Variants in ZNF225 observed in about 807,000 individuals in gnomAD.
The protein encoded by ZNF225 is zinc finger protein 225.
A neutral mutation model predicts 12.0 loss-of-function variants in ZNF225; 6 were observed. That is an observed-to-expected ratio of 0.50 (90% CI 0.27 to 0.98). The LOEUF (loss-of-function observed/expected upper bound fraction) is 0.98. Among genes scored for constraint, ZNF225 ranks in the 50% least tolerant of loss-of-function variants. ZNF225 has a pLI of 0.11. For missense variants in ZNF225, 763 were observed against 848.2 expected (o/e 0.90, Z 1.25); for synonymous variants, 271 against 283.2 (o/e 0.96, Z 0.43).
At position 44,131,307 on chromosome 19, in the gene ZNF225, A is replaced by T. The variant is rs750040720; in HGVS notation, c.693A>T (p.Pro231=). Residue 231 remains proline, a synonymous_variant, in exon 5 of 5, where the codon CCA becomes CCT. Transcript: ENST00000262894. ...IHQRIHTGEK[P]FKCEQCGKGF... The stretch of plus-strand genomic sequence containing the variant: ...AGAGAATCCACACTGGAGAGAAACC[A>T]TTCAAATGTGAGCAGTGTGGGAAAG... 4.3e-6 allele frequency: 7 copies of T among 1,614,208 alleles called. No homozygotes were observed. Among genetic ancestry groups the T allele is most frequent in the Non-Finnish European group, 5.9e-6 (7 of 1,180,028 alleles).
intron 4 of ZNF225, among the ~76,000 whole-genome samples, chr19:44,120,397 G>A (rs1313247182): frequency 1.3e-5 from 2 of 152,140 alleles, no homozygotes; most frequent in East Asian, 3.8e-4. Context: ...TCTGGTACAT[G>A]GCAGGTATCT....
At position 44,118,482 on chromosome 19, in the gene ZNF225, G is replaced by A; in HGVS notation, c.143G>A (p.Gly48Glu). 1 of 1,613,474 alleles carries A rather than the reference G, an allele frequency of 6.2e-7. No individual in the cohort carries two copies. Among genetic ancestry groups the A allele is most frequent in the Non-Finnish European group, 8.5e-7 (1 of 1,179,710 alleles). The change falls in exon 4 of 5, where the codon GGG (glycine) becomes GAG (glutamate). Residue 48 changes from glycine to glutamate, a missense_variant and splice_region_variant. Physicochemically the swap from Gly to Glu is moderately conservative, Grantham distance 98. Transcript: ENST00000262894. ...LENFRNLLSV[G>E]HQSLHRDTFH... ...AGCACATGACTTTTCACGTTCACAG[G>A]GCATCAATCACTCCACAGAGATACT...
rs369809521 is a variant in ZNF225, at chr19:44,131,267, A to G, written c.653A>G (p.His218Arg). 9.9e-6 allele frequency: 16 copies of G among 1,614,138 alleles called. No homozygotes were observed. In the African/African-American group the frequency reaches 2.0e-4, roughly 20 times the overall value. ...GGTAAGGAATTCAATCAGAGCTCAC[A>G]TCTGCAAATTCATCAGAGAATCCAC... ...VCGKEFNQSS[H>R]LQIHQRIHTG... Residue 218 changes from histidine (H) to arginine (R), a missense_variant, in exon 5 of 5, where the codon CAT becomes CGT. Coordinates refer to ENST00000262894, the MANE Select transcript of ZNF225 (RefSeq NM_013362.4).
Position 44,125,220 on chromosome 19 carries a change from T to C in ZNF225, c.236-5630T>C, listed in dbSNP as rs373193160. Reference sequence around the variant, plus strand: ...TTAGAGCTCCTTTTAGCAGTTCTTGTAGTGGTGGCTTGGTAGTGGCAAATT... The same window carrying C: ...TTAGAGCTCCTTTTAGCAGTTCTTGCAGTGGTGGCTTGGTAGTGGCAAATT... On this transcript the variant is annotated intron_variant, in intron 4 of 4. Transcript: ENST00000262894. 1.5e-4 allele frequency among the ~76,000 whole-genome samples: 23 copies of C among 152,352 alleles called. No homozygotes were observed. The South Asian group carries it at 3.5e-3, about 23-fold the overall frequency.
rs1415042665 is a variant in ZNF225, at chr19:44,132,489, A to C, written c.1875A>C (p.Lys625Asn). The stretch of plus-strand genomic sequence containing the variant: ...TTCACACTGGGGAAAAGCCATACAA[A>C]TGTGAGAAGTGTGGAAAGAGCTTCA... ...QRVHTGEKPY[K>N]CEKCGKSFRW... The change falls in exon 5 of 5, where the codon AAA becomes AAC. Residue 625 changes from lysine to asparagine, a missense_variant. Lys to Asn is a moderately conservative substitution (Grantham distance 94). Transcript: ENST00000262894. 2 of 1,613,906 alleles carry C rather than the reference A, an allele frequency of 1.2e-6. No homozygotes were observed. Among genetic ancestry groups the C allele is most frequent in the African/African-American group, 2.7e-5 (2 of 74,894 alleles).
intron 4 of ZNF225, chr19:44,129,097 A>T: frequency 8.1e-7 from 1 of 1,231,600 alleles, no homozygotes; most frequent in East Asian, 3.2e-5. Context: ...TTTCTATTTC[A>T]GGTAACCAAG....
At position 44,133,911 on chromosome 19, in the gene ZNF225, G is replaced by C. The variant is rs578016040; in HGVS notation, c.*1176G>C. On this transcript the variant is annotated 3_prime_UTR_variant, in exon 5 of 5. Coordinates refer to ENST00000262894, the MANE Select transcript of ZNF225 (RefSeq NM_013362.4). Reference sequence around the variant, plus strand: ...TTGATTTTTATAATCAAATCTACTAGAGATAGATTTGATTTTTATACTTAA... The same window carrying C: ...TTGATTTTTATAATCAAATCTACTACAGATAGATTTGATTTTTATACTTAA... 1.9e-3 allele frequency: 280 copies of C among 151,128 alleles called. 1 individual carries two copies. Among genetic ancestry groups the C allele is most frequent in the African/African-American group, 6.5e-3 (264 of 40,860 alleles). 9.4% of individuals were successfully genotyped at this position (151,128 alleles called of 1,614,324 possible).
Position 44,131,452 on chromosome 19 carries a change from A to C in ZNF225, c.838A>C (p.Arg280=). ...IHDSQLQEHQ[R]IHTGEKPFKC... Reference sequence around the variant, plus strand: ...TGATTCCCAGCTTCAGGAACATCAAAGAATCCATACTGGGGAGAAGCCATT... The same window carrying C: ...TGATTCCCAGCTTCAGGAACATCAACGAATCCATACTGGGGAGAAGCCATT... Residue 280 remains arginine, a synonymous_variant, in exon 5 of 5, where the codon AGA becomes CGA. Transcript: ENST00000262894. The C allele has an allele frequency of 6.2e-7, 1 of 1,614,214 alleles. No individual in the cohort carries two copies. Among genetic ancestry groups the C allele is most frequent in the Non-Finnish European group, 8.5e-7 (1 of 1,180,034 alleles).
At chr19:44,128,801 A>G in intron 4 of ZNF225, 1 of 375,994 alleles carries the variant, frequency 2.7e-6, no homozygotes. Context: ...AATGCTTTTT[A>G]GAAGGTTTCA....
Position 44,121,389 on chromosome 19 carries a change from C to T in ZNF225, c.235+2815C>T, listed in dbSNP as rs11879632. On this transcript the variant is annotated intron_variant, in intron 4 of 4. Transcript: ENST00000262894. ...AATACCACAGTTTTCTTTATTCACT[C>T]GTTGATTGATGGGCATTTGTGTTGG... 9.1e-3 allele frequency among the ~76,000 whole-genome samples: 1,381 copies of T among 152,252 alleles called. 27 individuals carry two copies. The highest frequency in any genetic ancestry group is 0.032 in the African/African-American group (1,317 of 41,544).
intron 4 of ZNF225, among the ~76,000 whole-genome samples, chr19:44,122,443 T>G (rs1451102299): frequency 1.3e-5 from 2 of 152,150 alleles, no homozygotes; most frequent in African/African-American, 2.4e-5. Flanking sequence ...TGCCTCCAGA[T>G]TTGTTCTTTT....
At chr19:44,117,806 G>C (rs111291957) in intron 2 of ZNF225, among the ~76,000 whole-genome samples, 4,257 of 152,232 alleles carry the variant, frequency 0.028, 204 homozygotes, top group African/African-American at 0.097. Context: ...ATCACCTGAG[G>C]TCAGGAGTTT....
chr19:44,118,616 C>A (rs747796841), intron 4 of ZNF225, 42 bp downstream of exon 4: 1 of 1,575,740 alleles, frequency 6.3e-7, no homozygotes, highest in East Asian at 2.3e-5. Context: ...GTGACTCTCC[C>A]ATCGGTTTCA....
chr19:44,132,827 C>G lies in ZNF225; in HGVS notation c.*92C>G. ...TCAGTGTAATTAACATACCTATCAC[C>G]TCAAACATTTATCATTTATTTATGT... On this transcript the variant is annotated 3_prime_UTR_variant, in exon 5 of 5. Coordinates refer to ENST00000262894, the MANE Select transcript of ZNF225 (RefSeq NM_013362.4). 9.2e-7 allele frequency: 1 copy of G among 1,090,182 alleles called. No individual in the cohort carries two copies. Among genetic ancestry groups the G allele is most frequent in the South Asian group, 1.8e-5 (1 of 56,560 alleles). The allele number at this position is 1,090,182 out of a possible 1,614,324, so 67.5% of individuals were successfully genotyped here.
intron 1 of ZNF225, among the ~76,000 whole-genome samples, chr19:44,114,848 A>G (rs767648974): frequency 3.9e-5 from 6 of 152,222 alleles, no homozygotes; most frequent in Non-Finnish European, 7.3e-5. Context: ...AACAGGGGCC[A>G]TATGTCAGTT....
intron 4 of ZNF225, among the ~76,000 whole-genome samples, chr19:44,126,358 G>A (rs1599678482): frequency 6.6e-6 from 1 of 152,206 alleles, no homozygotes; most frequent in East Asian, 1.9e-4. Flanking sequence ...GGCTGGTACT[G>A]GGGGCTGTCT....
At chr19:44,116,123 A>G (rs1967937917) in intron 2 of ZNF225, among the ~76,000 whole-genome samples, 1 of 152,138 alleles carries the variant, frequency 6.6e-6, no homozygotes, top group Admixed American at 6.5e-5. Flanking sequence ...TAGCCTCCCA[A>G]AGTGCTGGAA....
At chr19:44,124,434 A>C (rs1171359683) in intron 4 of ZNF225, among the ~76,000 whole-genome samples, 1 of 152,218 alleles carries the variant, frequency 6.6e-6, no homozygotes, top group Admixed American at 6.5e-5. Context: ...ATGGCCTATC[A>C]TATGGTCTCT....
upstream of ZNF225, chr19:44,112,413 C>T (rs1446017728): frequency 2.0e-5 from 3 of 152,220 alleles, no homozygotes; most frequent in Non-Finnish European, 4.4e-5. Flanking sequence ...CATACCCTAT[C>T]TGCCTAAGTG....
Sources: allele counts gnomAD v4.1 joint callset (sites outside exome capture counted in the v4.1 genomes callset), GRCh38; gene constraint gnomAD v4.1.1; transcripts MANE v1.5; gene names NCBI Gene and HGNC (gene_info 2026-07-23, HGNC 2026-07-21).